The following DST variants were observed in gnomAD, a reference collection of about 807,000 sequenced individuals.
DST encodes the protein dystonin.
Under a neutral mutation model 875.2 loss-of-function variants are expected in DST, and 253 were observed. The observed-to-expected ratio is 0.29, with a 90% CI of 0.26 to 0.32. DST has a LOEUF of 0.32. DST is among the 10% of genes least tolerant of loss of function. The probability of loss-of-function intolerance (pLI) is 1.00; values close to 1 mark genes in which losing one functional copy is unlikely to be tolerated. For synonymous variants in DST, 3,124 were observed against 3,197.1 expected, an observed-to-expected ratio of 0.98 and a Z score of 0.77; for missense variants, 8,287 against 9,111.6, an observed-to-expected ratio of 0.91 and a Z score of 3.68.
intron 2 of DST, among the ~76,000 whole-genome samples, chr6:56,936,475 C>T (rs767428627): frequency 1.3e-5 from 2 of 152,144 alleles, no homozygotes; most frequent in Non-Finnish European, 2.9e-5. Context: ...TGTTCAGATA[C>T]AGAGCTCCAG....
Position 56,816,934 on chromosome 6 carries a change from G to T in DST, c.625+34463C>A, listed in dbSNP as rs1251226977. 4.0e-5 allele frequency among the ~76,000 whole-genome samples: 6 copies of T among 151,204 alleles called. 1 individual carries two copies. Among genetic ancestry groups the T allele is most frequent in the Admixed American group, 3.3e-4 (5 of 15,124 alleles). ...AAATTCTCTCCTGAAGATCTTTATA[G>T]TCTCTGCTAGATTATAATTTCACAA... On this transcript the variant is annotated intron_variant, in intron 4 of 103. Transcript: ENST00000680361.
At chr6:56,534,707 A>G (rs963066261) in intron 63 of DST, among the ~76,000 whole-genome samples, 3 of 152,052 alleles carry the variant, frequency 2.0e-5, no homozygotes, top group African/African-American at 7.2e-5. Flanking sequence ...TTAAAATTAC[A>G]CACACCCCCT....
intron 4 of DST, among the ~76,000 whole-genome samples, chr6:56,800,743 G>A (rs1214684520): frequency 6.6e-6 from 1 of 152,136 alleles, no homozygotes; most frequent in Non-Finnish European, 1.5e-5. Context: ...CTAAGGTTGG[G>A]CATAGTGGCT....
At position 56,639,266 on chromosome 6, in the gene DST, G is replaced by T; in HGVS notation, c.2957C>A (p.Thr986Asn). The T allele has an allele frequency of 6.2e-7, 1 of 1,612,394 alleles. No individual in the cohort carries two copies. Among genetic ancestry groups the T allele is most frequent in the Non-Finnish European group, 8.5e-7 (1 of 1,178,580 alleles). The change falls in exon 22 of 104, where the codon ACT becomes AAT. Residue 986 changes from threonine (T) to asparagine (N), a missense_variant. Around this residue, in one of 10 missense-constraint regions of DST, gnomAD observed 1,160 missense variants for 1,424.3 expected, o/e 0.81. Coordinates refer to ENST00000680361, the MANE Select transcript of DST (RefSeq NM_001374736.1). ...LLLENHPARLTIEAYRAAMQT... is the reference protein window; with the variant it reads ...LLLENHPARLNIEAYRAAMQT... ...TACACTTTCCAGCTTTACCTCAATA[G>T]TTAACCGGGCTGGATGATTTTCTAG...
intron 47 of DST, 50 bp from the exon 48 acceptor site, chr6:56,594,243 C>T (rs781437539): frequency 6.2e-6 from 9 of 1,451,428 alleles, no homozygotes; most frequent in Admixed American, 2.4e-5. Context: ...CGGGGTAACA[C>T]CTGCAGGGAG....
At chr6:56,946,919 A>G (rs1819799724) in intron 2 of DST, among the ~76,000 whole-genome samples, 1 of 152,226 alleles carries the variant, frequency 6.6e-6, no homozygotes, top group African/African-American at 2.4e-5. Context: ...GGTCTTTTAC[A>G]TAATGAATTA....
At chr6:56,781,044 G>A (rs1387845134) in intron 4 of DST, among the ~76,000 whole-genome samples, 1 of 151,902 alleles carries the variant, frequency 6.6e-6, no homozygotes, top group Non-Finnish European at 1.5e-5. Flanking sequence ...GTAGATATGT[G>A]GTGTTATTTC....
Position 56,573,707 on chromosome 6 carries a change from G to A in DST, c.13208C>T (p.Ala4403Val), listed in dbSNP as rs1369493707. ...GTTTTTACTGATAATATCCTGAAGA[G>A]CAGTAGAGTTTAAAGGCACTTGACC... ...EQGQVPLNSTALQDIISKNIM... is the reference protein window; with the variant it reads ...EQGQVPLNSTVLQDIISKNIM... The change falls in exon 51 of 104, where the codon GCT becomes GTT. Residue 4403 changes from alanine (A) to valine (V), a missense_variant. Around this residue, in one of 10 missense-constraint regions of DST, gnomAD observed 1,513 missense variants for 1,677.8 expected, o/e 0.90. Transcript: ENST00000680361. The A allele has an allele frequency of 1.2e-6, 2 of 1,613,218 alleles. No individual in the cohort carries two copies. The highest frequency in any genetic ancestry group is 2.2e-5 in the South Asian group (2 of 91,062).
At chr6:56,538,713 A>C (rs2097063756) in intron 61 of DST, among the ~76,000 whole-genome samples, 1 of 152,222 alleles carries the variant, frequency 6.6e-6, no homozygotes, top group African/African-American at 2.4e-5. Flanking sequence ...CCTTTTCCAC[A>C]GAAAATGTAT....
At position 56,615,221 on chromosome 6, in the gene DST, T is replaced by G. The variant is rs1206410826; in HGVS notation, c.4930-737A>C. The stretch of plus-strand genomic sequence containing the variant: ...GTTCTGAAGAAATGACACTGTGAAC[T>G]TGGAGTTCATCAAGTTTATCCCACA... On this transcript the variant is annotated intron_variant, in intron 36 of 103. Coordinates refer to ENST00000680361, the MANE Select transcript of DST (RefSeq NM_001374736.1). The G allele has an allele frequency of 3.4e-6, 4 of 1,189,414 alleles. No individual in the cohort carries two copies. In the African/African-American group the frequency reaches 4.7e-5, roughly 14 times the overall value. 73.7% of individuals were successfully genotyped at this position (1,189,414 alleles called of 1,614,324 possible).
chr6:56,832,951 C>G (rs970777668), intron 4 of DST, among the ~76,000 whole-genome samples: 2 of 152,198 alleles, frequency 1.3e-5, no homozygotes, highest in African/African-American at 2.4e-5. Context: ...GTTGGCCAGG[C>G]TGGTCTCGAA....
chr6:56,652,633 G>T (rs980401479), intron 10 of DST, among the ~76,000 whole-genome samples: 6 of 152,304 alleles, frequency 3.9e-5, no homozygotes, highest in South Asian at 2.1e-4. Flanking sequence ...GTGGCAATTT[G>T]TACTCTTTTA....
At chr6:56,625,407 CATTAA>C in intron 34 of DST, 143 bp from the exon 35 acceptor site, 1 of 632,290 alleles carries the variant, frequency 1.6e-6, no homozygotes, top group Non-Finnish European at 2.8e-6. Context: ...AACCTAGATT[CATTAA>C]ATTAAGTTTA....
At chr6:56,586,901 A>G (rs569942933) in intron 49 of DST, among the ~76,000 whole-genome samples, 1 of 152,218 alleles carries the variant, frequency 6.6e-6, no homozygotes, top group Non-Finnish European at 1.5e-5. Flanking sequence ...CACACCAAAA[A>G]CCCATCTGTA....
intron 82 of DST, among the ~76,000 whole-genome samples, chr6:56,495,984 A>G (rs2095888333): frequency 6.6e-6 from 1 of 152,124 alleles, no homozygotes; most frequent in Non-Finnish European, 1.5e-5. Context: ...CAACAACATT[A>G]TATCTCTATT....
At chr6:56,474,706 G>A in intron 92 of DST, among the ~76,000 whole-genome samples, 1 of 152,110 alleles carries the variant, frequency 6.6e-6, no homozygotes, top group East Asian at 1.9e-4. Flanking sequence ...TAGCTGGGAT[G>A]TTTCCAAGAA....
At chr6:56,934,357 G>C (rs17685218) in intron 2 of DST, among the ~76,000 whole-genome samples, 31,068 of 151,210 alleles carry the variant, frequency 0.21, 3,544 homozygotes, top group Middle Eastern at 0.25. Flanking sequence ...AATGGCAACT[G>C]TTGCTTTTCT....
At chr6:56,572,039 C>T (rs1303482831) in intron 53 of DST, 61 bp downstream of exon 53, 3 of 970,690 alleles carry the variant, frequency 3.1e-6, no homozygotes, top group East Asian at 3.1e-5. Flanking sequence ...TAAGTAAATA[C>T]AAGTATCTCA....
At position 56,629,341 on chromosome 6, in the gene DST, TA is replaced by T. The variant is rs1393525298; in HGVS notation, c.4383del (p.Tyr1461Ter). 1 of 1,613,676 alleles carries T rather than the reference TA, an allele frequency of 6.2e-7. No individual in the cohort carries two copies. Among genetic ancestry groups the T allele is most frequent in the Non-Finnish European group, 8.5e-7 (1 of 1,179,802 alleles). ...KAISDEMFKT[Y>X]KERDLDFDWH... ...CAGTCAAAATCAAGGTCCCGTTCTT[TA>T]TACGTTTTAAACATTTCATCACTGA... is the stretch of plus-strand genomic sequence containing the variant. On this transcript the variant is annotated frameshift_variant, in exon 32 of 104. Transcript: ENST00000680361. LOFTEE classifies it high-confidence loss of function.
Sources: allele counts gnomAD v4.1 joint callset (sites outside exome capture counted in the v4.1 genomes callset), GRCh38; gene constraint gnomAD v4.1.1; regional missense constraint gnomAD v4.1.1; transcripts MANE v1.5; gene names NCBI Gene and HGNC (gene_info 2026-07-23, HGNC 2026-07-21).